The following OR51F2 variants were observed in gnomAD, a reference collection of about 807,000 sequenced individuals.
The protein encoded by OR51F2 is olfactory receptor 51F2.
For missense variants in OR51F2, 435 were observed against 401.4 expected (o/e 1.08, Z -0.72); for synonymous variants, 172 against 153.6 (o/e 1.12, Z -0.89).
chr11:4,821,805 C>T lies in OR51F2; in HGVS notation c.384C>T (p.Ile128=). 6.2e-7 allele frequency: 1 copy of T among 1,612,842 alleles called. No homozygotes were observed. Among genetic ancestry groups the T allele is most frequent in the South Asian group, 1.1e-5 (1 of 90,808 alleles). ...TGGCCTTTGATCGTTTTGTGGCCAT[C>T]TGTTACCCACTGAGATACACTACCA... is the stretch of plus-strand genomic sequence containing the variant. The part of the protein sequence containing the change: ...LAMAFDRFVA[I]CYPLRYTTIL... Residue 128 remains isoleucine (I), a synonymous_variant, in exon 1 of 1, where the codon ATC becomes ATT. Coordinates refer to ENST00000322110, the MANE Select transcript of OR51F2 (RefSeq NM_001004753.2).
rs1374658027 is a variant in OR51F2 at position 4,821,409 on chromosome 11, T to TCTATGTCGGTCCCTTCTCTATAGGGACC, written c.-12_-11insTATGTCGGTCCCTTCTCTATAGGGACCC. On this transcript the variant is annotated 5_prime_UTR_variant, in exon 1 of 1. It adds an upstream start codon to the 5' untranslated region. Transcript: ENST00000322110. ...AAATGACTGAAACATCCCTGTCTTC[T>TCTATGTCGGTCCCTTCTCTATAGGGACC]CAGTGCTTCCCTATGTCGGTCCTCA... 6.2e-7 allele frequency: 1 copy of TCTATGTCGGTCCCTTCTCTATAGGGACC among 1,613,836 alleles called. No individual in the cohort carries two copies. The highest frequency in any genetic ancestry group is 1.7e-5 in the Admixed American group (1 of 60,004).
At position 4,821,408 on chromosome 11, in the gene OR51F2, C is replaced by T. The variant is rs779044916; in HGVS notation, c.-14C>T. ...TAAATGACTGAAACATCCCTGTCTT[C>T]TCAGTGCTTCCCTATGTCGGTCCTC... On this transcript the variant is annotated 5_prime_UTR_variant, in exon 1 of 1. Coordinates refer to ENST00000322110, the MANE Select transcript of OR51F2 (RefSeq NM_001004753.2). 1.2e-6 allele frequency: 2 copies of T among 1,613,700 alleles called. No homozygotes were observed. The highest frequency in any genetic ancestry group is 2.2e-5 in the South Asian group (2 of 91,058).
rs1849500665 is a variant in OR51F2, at chr11:4,821,602, A to T, written c.181A>T (p.Met61Leu). 1.2e-6 allele frequency: 2 copies of T among 1,613,724 alleles called. No individual in the cohort carries two copies. Among genetic ancestry groups the T allele is most frequent in the East Asian group, 4.5e-5 (2 of 44,852 alleles). Reference protein sequence around the residue: ...VLCERSLHKPMYYFLSMLSAT... With the variant: ...VLCERSLHKPLYYFLSMLSAT... ...CTGTGAACGGAGCCTCCATAAGCCT[A>T]TGTACTATTTCCTCTCTATGCTTTC... Residue 61 changes from methionine (M) to leucine (L), a missense_variant, in exon 1 of 1, where the codon ATG becomes TTG. Transcript: ENST00000322110.
At position 4,822,045 on chromosome 11, in the gene OR51F2, T is replaced by G; in HGVS notation, c.624T>G (p.Thr208=). 1 of 1,613,822 alleles carries G rather than the reference T, an allele frequency of 6.2e-7. No individual in the cohort carries two copies. Among genetic ancestry groups the G allele is most frequent in the Non-Finnish European group, 8.5e-7 (1 of 1,179,878 alleles). Residue 208 remains threonine (T), a synonymous_variant, in exon 1 of 1, where the codon ACT becomes ACG. Coordinates refer to ENST00000322110, the MANE Select transcript of OR51F2 (RefSeq NM_001004753.2). ...SILGLFALLS[T]TGFDCPCILL... ...TTGGTCTGTTTGCGCTTTTGTCCAC[T>G]ACAGGGTTTGACTGCCCTTGCATCC...
chr11:4,821,407 T>C lies in OR51F2; in HGVS notation c.-15T>C. The stretch of plus-strand genomic sequence containing the variant: ...TTAAATGACTGAAACATCCCTGTCT[T>C]CTCAGTGCTTCCCTATGTCGGTCCT... On this transcript the variant is annotated 5_prime_UTR_variant, in exon 1 of 1. Coordinates refer to ENST00000322110, the MANE Select transcript of OR51F2 (RefSeq NM_001004753.2). 6.2e-7 allele frequency: 1 copy of C among 1,613,716 alleles called. No individual in the cohort carries two copies. The highest frequency in any genetic ancestry group is 1.1e-5 in the South Asian group (1 of 91,058).
Position 4,821,388 on chromosome 11 carries a change from G to A in OR51F2, c.-34G>A. ...CTATGTATTATGTGTTATGTTAAAT[G>A]ACTGAAACATCCCTGTCTTCTCAGT... On this transcript the variant is annotated 5_prime_UTR_variant, in exon 1 of 1. It removes an upstream start codon present in the reference 5' UTR. Transcript: ENST00000322110. The A allele has an allele frequency of 2.5e-6, 4 of 1,611,060 alleles. No homozygotes were observed. The highest frequency in any genetic ancestry group is 3.4e-6 in the Non-Finnish European group (4 of 1,177,486).
In OR51F2 at chr11:4,822,370, A is replaced by T; in HGVS notation, c.949A>T (p.Asn317Tyr). 6.8e-7 allele frequency: 1 copy of T among 1,468,942 alleles called. No homozygotes were observed. The allele number at this position is 1,468,942 out of a possible 1,614,324, so 91.0% of individuals were successfully genotyped here. A position where few individuals can be genotyped will look rare whatever the true frequency, so the allele number is the denominator to read the frequency against. ...CTTAATTCAGAAGCACTCCAAATCT[A>T]ATCATCAGCTATTTCTGATTAGAGA... The part of the protein sequence containing the change: ...KVLIQKHSKS[N>Y]HQLFLIRDKA... The change falls in exon 1 of 1, where the codon AAT becomes TAT. Residue 317 changes from asparagine (N) to tyrosine (Y), a missense_variant. Physicochemically the swap from Asn to Tyr is moderately radical, Grantham distance 143. Transcript: ENST00000322110.
In OR51F2 at chr11:4,821,784, C is replaced by T. The variant is rs1849506407; in HGVS notation, c.363C>T (p.Ala121=). 6.2e-7 allele frequency: 1 copy of T among 1,613,198 alleles called. No homozygotes were observed. The highest frequency in any genetic ancestry group is 1.7e-5 in the Admixed American group (1 of 59,966). Reference sequence around the variant, plus strand: ...AGTCTGGGGTTCTACTGGCCATGGCCTTTGATCGTTTTGTGGCCATCTGTT... The same window carrying T: ...AGTCTGGGGTTCTACTGGCCATGGCTTTTGATCGTTTTGTGGCCATCTGTT... The part of the protein sequence containing the change: ...FMESGVLLAM[A]FDRFVAICYP... The change falls in exon 1 of 1, where the codon GCC becomes GCT. Residue 121 remains alanine, a synonymous_variant. Coordinates refer to ENST00000322110, the MANE Select transcript of OR51F2 (RefSeq NM_001004753.2).
chr11:4,822,059 G>T lies in OR51F2; in HGVS notation c.638G>T (p.Cys213Phe), dbSNP rs769832394. ...CTTTTGTCCACTACAGGGTTTGACT[G>T]CCCTTGCATCCTGCTCTCCTATATC... ...FALLSTTGFD[C>F]PCILLSYILI... Residue 213 changes from cysteine to phenylalanine, a missense_variant, in exon 1 of 1, where the codon TGC becomes TTC. By Grantham distance (205) the Cys-to-Phe change is radical. Coordinates refer to ENST00000322110, the MANE Select transcript of OR51F2 (RefSeq NM_001004753.2). 5.6e-6 allele frequency: 9 copies of T among 1,613,600 alleles called. No individual in the cohort carries two copies. The African/African-American group carries it at 1.2e-4, about 22-fold the overall frequency.
rs371349949 is a variant in OR51F2, at chr11:4,822,039, G to T, written c.618G>T (p.Leu206Phe). 1.3e-5 allele frequency: 21 copies of T among 1,613,692 alleles called. No homozygotes were observed. Among genetic ancestry groups the T allele is most frequent in the Non-Finnish European group, 1.7e-5 (20 of 1,179,902 alleles). ...INSILGLFAL[L>F]STTGFDCPCI... ...GCATCCTTGGTCTGTTTGCGCTTTT[G>T]TCCACTACAGGGTTTGACTGCCCTT... Residue 206 changes from leucine to phenylalanine, a missense_variant, in exon 1 of 1, where the codon TTG becomes TTT. Transcript: ENST00000322110.
At position 4,821,927 on chromosome 11, in the gene OR51F2, CCTT is replaced by C; in HGVS notation, c.509_511del (p.Phe170del). On this transcript the variant is annotated inframe_deletion, in exon 1 of 1. Coordinates refer to ENST00000322110, the MANE Select transcript of OR51F2 (RefSeq NM_001004753.2). ...GTCATGCTCTTTGTCAAGAGGTTGTCCTTCTGCAGTTCTATGGTCCTTTCACAT... is the reference window on the plus strand; with the variant it reads ...GTCATGCTCTTTGTCAAGAGGTTGTCCTGCAGTTCTATGGTCCTTTCACAT... The C allele has an allele frequency of 6.2e-7, 1 of 1,613,946 alleles. No homozygotes were observed. Among genetic ancestry groups the C allele is most frequent in the Non-Finnish European group, 8.5e-7 (1 of 1,179,960 alleles).
chr11:4,821,829 C>T lies in OR51F2; in HGVS notation c.408C>T (p.Thr136=). The part of the protein sequence containing the change: ...VAICYPLRYT[T]ILTNARIAKI... The stretch of plus-strand genomic sequence containing the variant: ...TCTGTTACCCACTGAGATACACTAC[C>T]ATCCTTACCAATGCCCGAATTGCCA... Residue 136 remains threonine, a synonymous_variant, in exon 1 of 1, where the codon ACC becomes ACT. Coordinates refer to ENST00000322110, the MANE Select transcript of OR51F2 (RefSeq NM_001004753.2). 6.2e-7 allele frequency: 1 copy of T among 1,613,124 alleles called. No individual in the cohort carries two copies. The highest frequency in any genetic ancestry group is 8.5e-7 in the Non-Finnish European group (1 of 1,179,532).
In OR51F2 at chr11:4,821,890, G is replaced by A. The variant is rs150525831; in HGVS notation, c.469G>A (p.Val157Ile). The change falls in exon 1 of 1, where the codon GTC becomes ATC. Residue 157 changes from valine to isoleucine, a missense_variant. Physicochemically the swap from Val to Ile is conservative, Grantham distance 29. Coordinates refer to ENST00000322110, the MANE Select transcript of OR51F2 (RefSeq NM_001004753.2). ...GMSMLIRNVA[V>I]MLPVMLFVKR... ...GAGCATGTTGATAAGAAATGTTGCC[G>A]TCATGTTGCCAGTCATGCTCTTTGT... The A allele has an allele frequency of 5.1e-5, 83 of 1,613,914 alleles. No individual in the cohort carries two copies. In the African/African-American group the frequency reaches 8.7e-4, roughly 17 times the overall value.
At position 4,822,218 on chromosome 11, in the gene OR51F2, A is replaced by G. The variant is rs532943557; in HGVS notation, c.797A>G (p.Tyr266Cys). Residue 266 changes from tyrosine to cysteine, a missense_variant, in exon 1 of 1, where the codon TAT (tyrosine) becomes TGT (cysteine). Tyr to Cys is a radical substitution (Grantham distance 194). Coordinates refer to ENST00000322110, the MANE Select transcript of OR51F2 (RefSeq NM_001004753.2). ...PLISLSLVHR[Y>C]GHSAPPFVHI... ...ATCAGTTTGTCTCTTGTCCATCGCT[A>G]TGGCCATTCAGCACCTCCATTTGTC... is the stretch of plus-strand genomic sequence containing the variant. The G allele has an allele frequency of 9.6e-5, 152 of 1,586,858 alleles. 2 individuals are homozygous for G. The South Asian group carries it at 1.6e-3, about 17-fold the overall frequency.
At position 4,821,670 on chromosome 11, in the gene OR51F2, C is replaced by T. The variant is rs766268146; in HGVS notation, c.249C>T (p.Thr83=). Reference sequence around the variant, plus strand: ...TGTCCCTGTGTACACTTTCTACTACCCTTGGTGTCTTCTGGTTTGAAGCCC... The same window carrying T: ...TGTCCCTGTGTACACTTTCTACTACTCTTGGTGTCTTCTGGTTTGAAGCCC... ...LSLSLCTLST[T]LGVFWFEARE... is the part of the protein sequence containing the mutation. Residue 83 remains threonine, a synonymous_variant, in exon 1 of 1, where the codon ACC becomes ACT. Transcript: ENST00000322110. 1 of 1,613,928 alleles carries T rather than the reference C, an allele frequency of 6.2e-7. No individual in the cohort carries two copies. The highest frequency in any genetic ancestry group is 1.3e-5 in the African/African-American group (1 of 74,890).
chr11:4,821,827 A>G lies in OR51F2; in HGVS notation c.406A>G (p.Thr136Ala), dbSNP rs144249814. The change falls in exon 1 of 1, where the codon ACC (threonine) becomes GCC (alanine). Residue 136 changes from threonine (T) to alanine (A), a missense_variant. Thr to Ala is a moderately conservative substitution (Grantham distance 58, BLOSUM62 0). Transcript: ENST00000322110. ...CATCTGTTACCCACTGAGATACACTACCATCCTTACCAATGCCCGAATTGC... is the reference window on the plus strand; with the variant it reads ...CATCTGTTACCCACTGAGATACACTGCCATCCTTACCAATGCCCGAATTGC... The part of the protein sequence containing the change: ...VAICYPLRYT[T>A]ILTNARIAKI... The G allele has an allele frequency of 6.2e-4, 1,003 of 1,613,198 alleles. 11 individuals are homozygous for G. The South Asian group carries it at 0.01, about 16-fold the overall frequency.
At position 4,822,363 on chromosome 11, in the gene OR51F2, C is replaced by A. The variant is rs377650985; in HGVS notation, c.942C>A (p.Ser314=). 2 of 1,474,602 alleles carry A rather than the reference C, an allele frequency of 1.4e-6. No homozygotes were observed. Among genetic ancestry groups the A allele is most frequent in the African/African-American group, 1.4e-5 (1 of 70,672 alleles). 91.3% of individuals were successfully genotyped at this position (1,474,602 alleles called of 1,614,324 possible). ...TCAAGGTCTTAATTCAGAAGCACTCCAAATCTAATCATCAGCTATTTCTGA... is the reference window on the plus strand; with the variant it reads ...TCAAGGTCTTAATTCAGAAGCACTCAAAATCTAATCATCAGCTATTTCTGA... ...AIIKVLIQKH[S]KSNHQLFLIR... The change falls in exon 1 of 1, where the codon TCC becomes TCA. Residue 314 remains serine (S), a synonymous_variant. Transcript: ENST00000322110.
rs780395331 is a variant in OR51F2, at chr11:4,821,395, A to G, written c.-27A>G. 1.9e-6 allele frequency: 3 copies of G among 1,612,960 alleles called. No individual in the cohort carries two copies. The South Asian group carries it at 3.3e-5, about 18-fold the overall frequency. ...TTATGTGTTATGTTAAATGACTGAA[A>G]CATCCCTGTCTTCTCAGTGCTTCCC... On this transcript the variant is annotated 5_prime_UTR_variant, in exon 1 of 1. Transcript: ENST00000322110.
chr11:4,822,081 T>C lies in OR51F2; in HGVS notation c.660T>C (p.Tyr220=). 1 of 1,613,536 alleles carries C rather than the reference T, an allele frequency of 6.2e-7. No individual in the cohort carries two copies. The highest frequency in any genetic ancestry group is 8.5e-7 in the Non-Finnish European group (1 of 1,179,904). Residue 220 remains tyrosine, a synonymous_variant, in exon 1 of 1, where the codon TAT becomes TAC. Coordinates refer to ENST00000322110, the MANE Select transcript of OR51F2 (RefSeq NM_001004753.2). The part of the protein sequence containing the change: ...GFDCPCILLS[Y]ILIIRSVLSI... ...ACTGCCCTTGCATCCTGCTCTCCTA[T>C]ATCCTGATCATTCGATCTGTCCTCA...
Sources: gnomAD v4.1 joint callset for allele counts on GRCh38, gnomAD v4.1.1 for gene constraint, MANE v1.5 for transcripts, NCBI Gene and HGNC (gene_info 2026-07-23, HGNC 2026-07-21) for gene names.